MIB2: variants seen among roughly 807,000 people sequenced by gnomAD.
MIB2 encodes the protein E3 ubiquitin-protein ligase MIB2.
MIB2 carries 78 observed loss-of-function variants against 96.6 expected under a neutral mutation model. That is an observed-to-expected ratio of 0.81 (90% CI 0.67 to 0.97). The LOEUF (loss-of-function observed/expected upper bound fraction) is 0.97. MIB2 is among the 50% of genes least tolerant of loss of function. MIB2 has a pLI of 0.00. For missense variants in MIB2, 1,543 were observed against 1,424.0 expected (o/e 1.08, Z -1.35); for synonymous variants, 820 against 629.5 (o/e 1.30, Z -4.53).
In MIB2 at chr1:1,628,159, C is replaced by T; in HGVS notation, c.1821C>T (p.Ala607=). ...AGGGTTTCACCCTGCTGCACCATGC[C>T]TCCCTCAAGGGTCACGCGCTGTGAG... The part of the protein sequence containing the change: ...NSQGFTLLHH[A]SLKGHALAVR... Residue 607 remains alanine (A), a synonymous_variant, in exon 14 of 20, where the codon GCC becomes GCT. Coordinates refer to ENST00000355826, the MANE Select transcript of MIB2 (RefSeq NM_001170687.4). The T allele has an allele frequency of 1.9e-6, 3 of 1,613,432 alleles. No homozygotes were observed. Among genetic ancestry groups the T allele is most frequent in the African/African-American group, 1.3e-5 (1 of 75,070 alleles).
chr1:1,627,465 G>C, intron 12 of MIB2, 21 bp downstream of exon 12: 1 of 1,590,500 alleles, frequency 6.3e-7, no homozygotes, highest in Non-Finnish European at 8.5e-7. Context: ...GGAGGGGCCC[G>C]GCCGGCGGGG....
rs761808678 is a variant in MIB2, at chr1:1,630,552, G to A, written c.*22G>A. On this transcript the variant is annotated 3_prime_UTR_variant, in exon 20 of 20. Coordinates refer to ENST00000355826, the MANE Select transcript of MIB2 (RefSeq NM_001170687.4). The stretch of plus-strand genomic sequence containing the variant: ...GTGAGCCGCGCCGTCCGCCGCGCCC[G>A]AGCTGCCTTCGCGTGCCCCCGCCCT... 9 of 1,529,188 alleles carry A rather than the reference G, an allele frequency of 5.9e-6. No individual in the cohort carries two copies. The highest frequency in any genetic ancestry group is 7.9e-6 in the Non-Finnish European group (9 of 1,142,574). The allele number at this position is 1,529,188 out of a possible 1,614,324, so 94.7% of individuals were successfully genotyped here.
chr1:1,625,342 G>T lies in MIB2; in HGVS notation c.778G>T (p.Gly260Trp), dbSNP rs775024955. 6.3e-7 allele frequency: 1 copy of T among 1,579,250 alleles called. No homozygotes were observed. The highest frequency in any genetic ancestry group is 2.3e-5 in the East Asian group (1 of 42,814). Residue 260 changes from glycine to tryptophan, a missense_variant, in exon 7 of 20, where the codon GGG becomes TGG. Physicochemically the swap from Gly to Trp is radical, Grantham distance 184 (BLOSUM62 -2). Transcript: ENST00000355826. This position sits in a 1 kb window ranked among gnomAD's most constrained non-coding sequence, Gnocchi z 5.0. ...VSADSQPFQHGDKVKCLLDTD... is the reference protein window; with the variant it reads ...VSADSQPFQHWDKVKCLLDTD... ...TGCTGACAGCCAGCCCTTCCAGCAC[G>T]GGGACAAGGTCAAGTGTCTGCTGGA...
At chr1:1,615,326 C>T, upstream of MIB2, 1 of 1,384,926 alleles carries the variant, frequency 7.2e-7, no homozygotes, top group Non-Finnish European at 9.3e-7. Context: ...GTCTCTAGGA[C>T]CGCCACTGCG....
chr1:1,626,839 C>G lies in MIB2; in HGVS notation c.1080C>G (p.Ala360=). 6.2e-7 allele frequency: 1 copy of G among 1,602,264 alleles called. No individual in the cohort carries two copies. The stretch of plus-strand genomic sequence containing the variant: ...GTGACCCCCTCCCCTCCCCGCAGGC[C>G]CTGGGCCGCGTCGGGAAGGTGGTGA... ...HGEWTDDMAP[A]LGRVGKVVKV... is the part of the protein sequence containing the mutation. The change falls in exon 10 of 20, where the codon GCC becomes GCG. Residue 360 remains alanine (A), a splice_region_variant and synonymous_variant. Transcript: ENST00000355826. The surrounding 1 kb of genome is among the most constrained non-coding windows in gnomAD (Gnocchi z 5.3).
rs1232361136 is a variant in MIB2, at chr1:1,625,692, C to T, written c.972+39C>T. 5 of 1,505,552 alleles carry T rather than the reference C, an allele frequency of 3.3e-6. No homozygotes were observed. The South Asian group carries it at 3.6e-5, about 11-fold the overall frequency. The allele number at this position is 1,505,552 out of a possible 1,614,324, so 93.3% of individuals were successfully genotyped here. A position where few individuals can be genotyped will look rare whatever the true frequency, so the allele number is the denominator to read the frequency against. The stretch of plus-strand genomic sequence containing the variant: ...TGGGCTGCGCCTCATCTGCTTGCTT[C>T]TGTAACCCCTTCCACGTACCCCCTT... On this transcript the variant is annotated intron_variant, in intron 8 of 19. Transcript: ENST00000355826. The surrounding 1 kb of genome is among the most constrained non-coding windows in gnomAD (Gnocchi z 5.0).
Position 1,628,295 on chromosome 1 carries a change from C to A in MIB2, c.1864C>A (p.Arg622=), listed in dbSNP as rs771734370. ...CAGAGCTGTGAGAAAGATTCTGGCT[C>A]GGGCGCGGCAGCTGGTGGACGCCAA... The part of the protein sequence containing the change: ...HALAVRKILA[R]ARQLVDAKKE... Residue 622 remains arginine, a synonymous_variant, in exon 15 of 20, where the codon CGG becomes AGG. Transcript: ENST00000355826. 1 of 1,612,894 alleles carries A rather than the reference C, an allele frequency of 6.2e-7. No homozygotes were observed. The highest frequency in any genetic ancestry group is 8.5e-7 in the Non-Finnish European group (1 of 1,179,964).
upstream of MIB2, chr1:1,615,168 C>A: frequency 2.3e-6 from 1 of 441,234 alleles, no homozygotes. Context: ...TGCCGTTTCT[C>A]GCTGTGTCCA....
At chr1:1,618,061 T>A (rs1450232241) in intron 2 of MIB2, 1 of 152,304 alleles carries the variant, frequency 6.6e-6, no homozygotes, top group Non-Finnish European at 1.5e-5. Flanking sequence ...TGGCCACAGC[T>A]CTGGTCTGCT....
chr1:1,630,372 C>T lies in MIB2; in HGVS notation c.2710C>T (p.Gln904Ter). 6.5e-7 allele frequency: 1 copy of T among 1,548,922 alleles called. No individual in the cohort carries two copies. The highest frequency in any genetic ancestry group is 8.7e-7 in the Non-Finnish European group (1 of 1,148,346). ...GGAGGAGCTGCAGAGCCGCTACCGG[C>T]AGATGGAGGAACGCATCACCTGCCC... is the stretch of plus-strand genomic sequence containing the variant. ...LVEELQSRYR[Q>*]MEERITCPIC... is the part of the protein sequence containing the mutation. Residue 904 changes from glutamine to a stop codon, truncating the protein, a stop_gained, in exon 20 of 20, where the codon CAG becomes TAG. Coordinates refer to ENST00000355826, the MANE Select transcript of MIB2 (RefSeq NM_001170687.4). LOFTEE classifies it high-confidence loss of function.
intron 2 of MIB2, among the ~76,000 whole-genome samples, chr1:1,622,718 G>A (rs565266276): frequency 3.9e-4 from 59 of 152,184 alleles, no homozygotes; most frequent in Non-Finnish European, 7.8e-4. Context: ...GGCCTCTGTC[G>A]TGAGTGCCTT....
rs374080209 is a variant in MIB2 at position 1,625,581 on chromosome 1, G to A, written c.900G>A (p.Thr300=). Reference sequence around the variant, plus strand: ...AGACGGGCACCGTGCATCGTATCACGGACCGCGGGGACGTGCGCGTGCAGT... The same window carrying A: ...AGACGGGCACCGTGCATCGTATCACAGACCGCGGGGACGTGCGCGTGCAGT... The part of the protein sequence containing the change: ...IGQTGTVHRI[T]DRGDVRVQFN... The change falls in exon 8 of 20, where the codon ACG becomes ACA. Residue 300 remains threonine, a synonymous_variant. Transcript: ENST00000355826. This position sits in a 1 kb window ranked among gnomAD's most constrained non-coding sequence, Gnocchi z 5.0. 40 of 1,583,954 alleles carry A rather than the reference G, an allele frequency of 2.5e-5. No individual in the cohort carries two copies. The African/African-American group carries it at 3.5e-4, about 14-fold the overall frequency.
At chr1:1,621,960 C>T (rs1644299657) in intron 2 of MIB2, among the ~76,000 whole-genome samples, 1 of 152,250 alleles carries the variant, frequency 6.6e-6, no homozygotes, top group Admixed American at 6.5e-5. Context: ...GCTGTGGCCC[C>T]TCCTCACTGC....
At chr1:1,624,037 C>T (rs1287288385) in intron 4 of MIB2, 92 bp downstream of exon 4, 36 of 1,400,126 alleles carry the variant, frequency 2.6e-5, no homozygotes, top group Middle Eastern at 2.1e-4. Context: ...GCCTCCTGAC[C>T]GCTCCCAGGA....
At chr1:1,621,538 C>G (rs1644261243) in intron 2 of MIB2, among the ~76,000 whole-genome samples, 1 of 149,340 alleles carries the variant, frequency 6.7e-6, no homozygotes, top group African/African-American at 2.5e-5. Flanking sequence ...GAGGCAGCGT[C>G]ACCCGACAGG....
chr1:1,615,844 C>G, intron 1 of MIB2: 3 of 1,227,738 alleles, frequency 2.4e-6, no homozygotes, highest in Admixed American at 4.6e-5. Flanking sequence ...CGGCCACCCG[C>G]GCGGGACTCC....
upstream of MIB2, chr1:1,615,052 C>T (rs1254976849): frequency 5.5e-6 from 1 of 180,958 alleles, no homozygotes; most frequent in African/African-American, 2.4e-5. Flanking sequence ...AAATGAGAAA[C>T]TAGCAGTGCA....
Position 1,629,173 on chromosome 1 carries a change from T to A in MIB2, c.2243T>A (p.Val748Glu). 6.6e-7 allele frequency: 1 copy of A among 1,505,194 alleles called. No homozygotes were observed. Among genetic ancestry groups the A allele is most frequent in the African/African-American group, 1.5e-5 (1 of 68,964 alleles). The allele number at this position is 1,505,194 out of a possible 1,614,324, so 93.2% of individuals were successfully genotyped here. Residue 748 changes from valine to glutamate, a missense_variant, in exon 17 of 20, where the codon GTG becomes GAG. Transcript: ENST00000355826. ...CTCCCCGGCAGCGCGGAGCTGACGG[T>A]GGGCGCGGCGGTCGCCTGCTTCCTG... The part of the protein sequence containing the change: ...SGLPGSAELT[V>E]GAAVACFLAL...
In MIB2 at chr1:1,623,718, C is replaced by T. The variant is rs773036280; in HGVS notation, c.247+19C>T. The T allele has an allele frequency of 3.7e-5, 57 of 1,537,610 alleles. No homozygotes were observed. Among genetic ancestry groups the T allele is most frequent in the East Asian group, 7.3e-5 (3 of 41,226 alleles). The stretch of plus-strand genomic sequence containing the variant: ...CAGATCGGTGCGCGCCAAGGGCAGG[C>T]GGGACGGGCAGGACCCGGGGGCGGG... On this transcript the variant is annotated intron_variant, in intron 3 of 19. Transcript: ENST00000355826.
Sources: allele counts gnomAD v4.1 joint callset (sites outside exome capture counted in the v4.1 genomes callset), GRCh38; gene constraint gnomAD v4.1.1; non-coding constraint Gnocchi (gnomAD v3.1); transcripts MANE v1.5; gene names NCBI Gene and HGNC (gene_info 2026-07-23, HGNC 2026-07-21).